The following AUTS2 variants were observed in gnomAD, a reference collection of about 807,000 sequenced individuals.
The protein encoded by AUTS2 is activator of transcription and developmental regulator AUTS2, also known as autism susceptibility gene 2 protein.
AUTS2 carries 17 observed loss-of-function variants against 112.4 expected under a neutral mutation model. That is an observed-to-expected ratio of 0.15 (90% CI 0.10 to 0.23). The LOEUF is 0.23. Ranked by LOEUF, AUTS2 falls within the 10% of genes least tolerant of loss-of-function variation. AUTS2 has a pLI of 1.00. For synonymous variants in AUTS2, 751 were observed against 702.7 expected (o/e 1.07, Z -1.09); for missense variants, 1,510 against 1,701.6 (o/e 0.89, Z 1.98).
rs572633243 is a variant in AUTS2 at position 70,130,404 on chromosome 7, T to C, written c.625-4132T>C. Among the ~76,000 whole-genome samples, 16 of 152,284 alleles carry C rather than the reference T, an allele frequency of 1.1e-4. No homozygotes were observed. The South Asian group carries it at 2.3e-3, about 22-fold the overall frequency. ...AACTTCATGAGTTTAATGAGTAGCT[T>C]CGATGATAGCTTAGTGAAGAGATGG... On this transcript the variant is annotated intron_variant, in intron 3 of 18. Coordinates refer to ENST00000342771, the MANE Select transcript of AUTS2 (RefSeq NM_015570.4).
At chr7:70,515,779 C>A (rs539565017) in intron 5 of AUTS2, among the ~76,000 whole-genome samples, 2 of 152,018 alleles carry the variant, frequency 1.3e-5, no homozygotes, top group South Asian at 4.2e-4. Context: ...AGCATTAAAT[C>A]ATGCAAATTG....
chr7:70,389,874 T>C (rs116881141), intron 4 of AUTS2, among the ~76,000 whole-genome samples: 1 of 152,306 alleles, frequency 6.6e-6, no homozygotes, highest in East Asian at 1.9e-4. Context: ...ACGGGTGCAA[T>C]GTTGAAAGAC....
chr7:69,695,284 G>A (rs1413564270), intron 1 of AUTS2, among the ~76,000 whole-genome samples: 2 of 152,004 alleles, frequency 1.3e-5, no homozygotes, highest in African/African-American at 2.4e-5. Context: ...AACTGTGATC[G>A]CACCACTGCA....
intron 1 of AUTS2, among the ~76,000 whole-genome samples, chr7:69,809,731 T>C (rs1192775009): frequency 6.6e-6 from 1 of 152,192 alleles, no homozygotes; most frequent in African/African-American, 2.4e-5. Flanking sequence ...CTGGAATGAC[T>C]GTGTGACGGA....
Position 70,189,808 on chromosome 7 carries a change from G to A in AUTS2, c.660+55237G>A, listed in dbSNP as rs551263408. Among the ~76,000 whole-genome samples, 71 of 152,246 alleles carry A rather than the reference G, an allele frequency of 4.7e-4. 1 individual carries two copies. The highest frequency in any genetic ancestry group is 1.6e-3 in the African/African-American group (67 of 41,532). ...ACGATGAGCTTCATTTTTTGAAGGTGCTGATTCTCACCCCCATTTCCAGCT... is the reference window on the plus strand; with the variant it reads ...ACGATGAGCTTCATTTTTTGAAGGTACTGATTCTCACCCCCATTTCCAGCT... On this transcript the variant is annotated intron_variant, in intron 4 of 18. Transcript: ENST00000342771.
chr7:70,164,753 T>C (rs1025538651), intron 4 of AUTS2, among the ~76,000 whole-genome samples: 2 of 152,132 alleles, frequency 1.3e-5, no homozygotes, highest in Admixed American at 1.3e-4. Flanking sequence ...AAAGAAGTAG[T>C]TACCCATTTC....
chr7:70,123,647 A>G (rs1805806114), intron 3 of AUTS2, among the ~76,000 whole-genome samples: 1 of 152,200 alleles, frequency 6.6e-6, no homozygotes. Context: ...AGTAGCCTCC[A>G]GCACTATCTA....
intron 1 of AUTS2, among the ~76,000 whole-genome samples, chr7:69,840,804 T>G: frequency 6.6e-6 from 1 of 152,302 alleles, no homozygotes; most frequent in East Asian, 1.9e-4. Flanking sequence ...TGTAGTTCTT[T>G]CATGATTGGT....
At chr7:70,257,622 G>GT (rs768640377) in intron 4 of AUTS2, among the ~76,000 whole-genome samples, 5,514 of 139,666 alleles carry the variant, frequency 0.039, 114 homozygotes, top group Middle Eastern at 0.067. Context: ...CTGGCCTGAA[G>GT]TTTTTTTTTT....
intron 2 of AUTS2, among the ~76,000 whole-genome samples, chr7:69,916,415 A>G (rs1484988653): frequency 6.6e-6 from 1 of 152,240 alleles, no homozygotes; most frequent in Non-Finnish European, 1.5e-5. Context: ...CTCTTCATAT[A>G]TTAAATTCTC....
At chr7:70,186,434 G>T (rs2129581884) in intron 4 of AUTS2, among the ~76,000 whole-genome samples, 1 of 152,116 alleles carries the variant, frequency 6.6e-6, no homozygotes, top group East Asian at 1.9e-4. Context: ...TTTGATGGTG[G>T]TTATATTTTT....
chr7:70,482,451 T>C (rs560752524), intron 5 of AUTS2, among the ~76,000 whole-genome samples: 13 of 152,160 alleles, frequency 8.5e-5, no homozygotes, highest in Non-Finnish European at 1.8e-4. Flanking sequence ...AGAGAATCAA[T>C]ACATGTTAAG....
At chr7:70,010,438 G>A (rs542989205) in intron 2 of AUTS2, among the ~76,000 whole-genome samples, 93 of 152,216 alleles carry the variant, frequency 6.1e-4, no homozygotes, top group Middle Eastern at 6.8e-3. Flanking sequence ...AAGGCACTAC[G>A]CCTGGCTGAG....
At chr7:69,649,050 C>T (rs1441584692) in intron 1 of AUTS2, among the ~76,000 whole-genome samples, 1 of 152,116 alleles carries the variant, frequency 6.6e-6, no homozygotes, top group Non-Finnish European at 1.5e-5. Flanking sequence ...AATAAATGAA[C>T]AAGACTGGAG....
chr7:69,713,643 T>C (rs1463202630), intron 1 of AUTS2, among the ~76,000 whole-genome samples: 1 of 151,988 alleles, frequency 6.6e-6, no homozygotes, highest in Non-Finnish European at 1.5e-5. Context: ...GTATTTTTAG[T>C]AGAGATGGGG....
chr7:70,786,139 G>C (rs558804285), intron 17 of AUTS2, 101 bp downstream of exon 17: 2 of 1,020,394 alleles, frequency 2.0e-6, no homozygotes, highest in South Asian at 1.4e-5. Flanking sequence ...CTATGCTCTG[G>C]GGGGACCAGT....
intron 5 of AUTS2, among the ~76,000 whole-genome samples, chr7:70,589,303 C>T (rs762939612): frequency 2.0e-5 from 3 of 152,282 alleles, no homozygotes; most frequent in Non-Finnish European, 2.9e-5. Flanking sequence ...TCCCAGGGGG[C>T]GAAGTGGAGC....
intron 1 of AUTS2, among the ~76,000 whole-genome samples, chr7:69,897,588 A>C (rs1219457523): frequency 5.3e-5 from 8 of 151,416 alleles, no homozygotes; most frequent in African/African-American, 1.9e-4. Flanking sequence ...AAAAATACAA[A>C]AAAAAAAAAA....
intron 2 of AUTS2, among the ~76,000 whole-genome samples, chr7:69,945,961 T>C (rs1554409696): frequency 6.6e-6 from 1 of 152,110 alleles, no homozygotes; most frequent in Non-Finnish European, 1.5e-5. Context: ...CTCAGCCTCC[T>C]GAGTAGCTGG....
Sources: allele counts gnomAD v4.1 joint callset (sites outside exome capture counted in the v4.1 genomes callset), GRCh38; gene constraint gnomAD v4.1.1; transcripts MANE v1.5; gene names NCBI Gene and HGNC (gene_info 2026-07-23, HGNC 2026-07-21).